Variants in CORO1B observed in about 807,000 individuals in gnomAD.
CORO1B encodes coronin-1B.
CORO1B carries 30 observed loss-of-function variants against 51.1 expected under a neutral mutation model. The ratio of observed to expected loss-of-function variants is 0.59; its 90% CI spans 0.44 to 0.80. The LOEUF (loss-of-function observed/expected upper bound fraction) is 0.80. Ranked by LOEUF, CORO1B falls within the 30% of genes least tolerant of loss-of-function variation. CORO1B has a pLI of 0.00. For missense variants in CORO1B, 648 were observed against 700.4 expected (o/e 0.93, Z 0.84); for synonymous variants, 310 against 289.7 (o/e 1.07, Z -0.71).
In CORO1B at chr11:67,441,944, C is replaced by T. The variant is rs754022069; in HGVS notation, c.324+22G>A. Reference sequence around the variant, plus strand: ...CCTTCGGCCACACCCACGACCCTGGCCCAGCCAGTCCTGTGCCTCACCATG... The same window carrying T: ...CCTTCGGCCACACCCACGACCCTGGTCCAGCCAGTCCTGTGCCTCACCATG... On this transcript the variant is annotated intron_variant, in intron 3 of 10. Coordinates refer to ENST00000341356, the MANE Select transcript of CORO1B (RefSeq NM_020441.3). 6.0e-5 allele frequency: 97 copies of T among 1,612,936 alleles called. No homozygotes were observed. In the South Asian group the frequency reaches 1.0e-3, roughly 17 times the overall value.
At position 67,437,604 on chromosome 11, in the gene CORO1B, C is replaced by G. The variant is rs753678445; in HGVS notation, c.*772G>C. 30 of 1,358,474 alleles carry G rather than the reference C, an allele frequency of 2.2e-5. No individual in the cohort carries two copies. In the East Asian group the frequency reaches 7.5e-4, roughly 34 times the overall value. 84.2% of individuals were successfully genotyped at this position (1,358,474 alleles called of 1,614,324 possible). On this transcript the variant is annotated 3_prime_UTR_variant, in exon 11 of 11. Transcript: ENST00000341356. Reference sequence around the variant, plus strand: ...GCCCCCATCCCAAGAACCCGGGGGGCTCCGAGGCTTACCATTGGTCCGCAG... The same window carrying G: ...GCCCCCATCCCAAGAACCCGGGGGGGTCCGAGGCTTACCATTGGTCCGCAG...
At chr11:67,440,508 T>C (rs1265530263) in intron 6 of CORO1B, 69 bp from the exon 7 acceptor site, 6 of 1,451,798 alleles carry the variant, frequency 4.1e-6, no homozygotes, top group Non-Finnish European at 5.7e-6. Flanking sequence ...AGGACGGGCC[T>C]TAGCTGGCCT....
At position 67,436,888 on chromosome 11, in the gene CORO1B, T is replaced by C. The variant is rs1475373714; in HGVS notation, c.*1488A>G. 6.5e-6 allele frequency: 1 copy of C among 152,808 alleles called. No individual in the cohort carries two copies. The highest frequency in any genetic ancestry group is 1.9e-4 in the East Asian group (1 of 5,178). The allele number at this position is 152,808 out of a possible 1,614,324, so 9.5% of individuals were successfully genotyped here. A position where few individuals can be genotyped will look rare whatever the true frequency, so the allele number is the denominator to read the frequency against. ...TGCTAGGAAACGGGGGCTTTTTGGG[T>C]CAAGCATGTTAGTAGGTGCTCAATA... On this transcript the variant is annotated 3_prime_UTR_variant, in exon 11 of 11. Transcript: ENST00000341356.
rs1455027083 is a variant in CORO1B at position 67,440,988 on chromosome 11, C to CATT, written c.756+136_756+137insAAT. 11 of 1,318,628 alleles carry CATT rather than the reference C, an allele frequency of 8.3e-6. 1 individual carries two copies. In the South Asian group the frequency reaches 1.4e-4, roughly 16 times the overall value. The allele number at this position is 1,318,628 out of a possible 1,614,324, so 81.7% of individuals were successfully genotyped here. ...CAGGGGGCAGGAGAGGAAAGTCTGA[C>CATT]AGAGTCCTAGGCCCTGAGAGCCTCA... On this transcript the variant is annotated intron_variant, in intron 6 of 10. Coordinates refer to ENST00000341356, the MANE Select transcript of CORO1B (RefSeq NM_020441.3).
At chr11:67,443,556 C>A, upstream of CORO1B, 1 of 742,484 alleles carries the variant, frequency 1.3e-6, no homozygotes, top group Non-Finnish European at 1.6e-6. Flanking sequence ...CGAGGTCACG[C>A]GCGGAGGGGC....
Position 67,435,646 on chromosome 11 carries a change from G to A in CORO1B, c.*2730C>T. 1 of 1,485,054 alleles carries A rather than the reference G, an allele frequency of 6.7e-7. No homozygotes were observed. Among genetic ancestry groups the A allele is most frequent in the Non-Finnish European group, 8.9e-7 (1 of 1,122,752 alleles). The allele number at this position is 1,485,054 out of a possible 1,614,324, so 92.0% of individuals were successfully genotyped here. A position where few individuals can be genotyped will look rare whatever the true frequency, so the allele number is the denominator to read the frequency against. ...AGTCTGAGGCATGGTCATGTGGGCT[G>A]GGGGTCCAGTCCAGCCATGGCATCT... On this transcript the variant is annotated 3_prime_UTR_variant, in exon 11 of 11. Transcript: ENST00000341356.
intron 9 of CORO1B, among the ~76,000 whole-genome samples, chr11:67,439,168 A>G (rs1028100743): frequency 6.6e-6 from 1 of 152,230 alleles, no homozygotes; most frequent in African/African-American, 2.4e-5. Flanking sequence ...CTTCCCCTGC[A>G]AGGCACAGGG....
chr11:67,439,909 C>T, intron 8 of CORO1B, 66 bp from the exon 9 acceptor site: 1 of 1,503,494 alleles, frequency 6.7e-7, no homozygotes, highest in Non-Finnish European at 9.0e-7. Flanking sequence ...GCCAGCTCTC[C>T]TGGCATCCTC....
In CORO1B at chr11:67,435,753, GGCCCTGGCCCCCAGCT is replaced by G; in HGVS notation, c.*2607_*2622del. 6.5e-7 allele frequency: 1 copy of G among 1,547,612 alleles called. No individual in the cohort carries two copies. Among genetic ancestry groups the G allele is most frequent in the Admixed American group, 1.9e-5 (1 of 53,960 alleles). On this transcript the variant is annotated 3_prime_UTR_variant, in exon 11 of 11. Transcript: ENST00000341356. The stretch of plus-strand genomic sequence containing the variant: ...GGCCTCTACAGTGCGGTGACATGGA[GGCCCTGGCCCCCAGCT>G]GCCCTGGCGCTGTCATCCCAGGCTG...
intron 9 of CORO1B, 57 bp from the exon 10 acceptor site, chr11:67,439,006 C>CA: frequency 1.3e-6 from 2 of 1,519,812 alleles, no homozygotes; most frequent in South Asian, 2.5e-5. Context: ...AGGGTCCCCT[C>CA]ATCCCTCCCC....
In CORO1B at chr11:67,440,940, G is replaced by C. The variant is rs928307988; in HGVS notation, c.756+185C>G. The C allele has an allele frequency of 3.9e-6, 3 of 765,102 alleles. No homozygotes were observed. In the African/African-American group the frequency reaches 5.2e-5, roughly 13 times the overall value. 47.4% of individuals were successfully genotyped at this position (765,102 alleles called of 1,614,324 possible). ...ACAGAGGCAGTGGGAGGCCATGGGGGAGTGGTGGGGCAGTCGGGCGAGCAG... is the reference window on the plus strand; with the variant it reads ...ACAGAGGCAGTGGGAGGCCATGGGGCAGTGGTGGGGCAGTCGGGCGAGCAG... On this transcript the variant is annotated intron_variant, in intron 6 of 10. Coordinates refer to ENST00000341356, the MANE Select transcript of CORO1B (RefSeq NM_020441.3).
intron 2 of CORO1B, 146 bp from the exon 3 acceptor site, chr11:67,442,234 T>A: frequency 7.1e-7 from 1 of 1,415,770 alleles, no homozygotes. Context: ...GCAGGAAATG[T>A]TTGCTGCCTC....
intron 6 of CORO1B, 82 bp from the exon 7 acceptor site, chr11:67,440,521 C>G: frequency 3.9e-6 from 5 of 1,278,168 alleles, no homozygotes; most frequent in Non-Finnish European, 5.6e-6. Context: ...GCTGGCCTCA[C>G]TAAGGCCAGC....
intron 6 of CORO1B, chr11:67,440,838 T>G: frequency 1.5e-6 from 1 of 660,442 alleles, no homozygotes; most frequent in Admixed American, 2.1e-5. Context: ...CGGGGAGCCC[T>G]GTGCAGGCAG....
intron 2 of CORO1B, 23 bp downstream of exon 2, chr11:67,442,405 C>A: frequency 1.2e-6 from 2 of 1,609,928 alleles, no homozygotes; most frequent in East Asian, 2.2e-5. Context: ...GCCTCCTCTT[C>A]CCCCAACCCT....
At chr11:67,442,259 T>C (rs1017314260) in intron 2 of CORO1B, among the ~76,000 whole-genome samples, 169 bp downstream of exon 2, 19 of 152,228 alleles carry the variant, frequency 1.2e-4, no homozygotes, top group African/African-American at 4.6e-4. Context: ...CCTGCCTCTA[T>C]GGCAACAGGC....
At position 67,441,770 on chromosome 11, in the gene CORO1B, G is replaced by A. The variant is rs1268963431; in HGVS notation, c.417C>T (p.Ala139=). 2 of 1,612,794 alleles carry A rather than the reference G, an allele frequency of 1.2e-6. No individual in the cohort carries two copies. The highest frequency in any genetic ancestry group is 1.6e-4 in the Middle Eastern group (1 of 6,062). The change falls in exon 4 of 11, where the codon GCC becomes GCT. Residue 139 remains alanine (A), a synonymous_variant. Coordinates refer to ENST00000341356, the MANE Select transcript of CORO1B (RefSeq NM_020441.3). ...GCACGTTTCGGGCCGTGGGGTGCCA[G>A]GCGATGATGCCCACTCGCTTGGTGT... The part of the protein sequence containing the change: ...EGHTKRVGII[A]WHPTARNVLL...
chr11:67,439,095 G>T, intron 9 of CORO1B, 146 bp from the exon 10 acceptor site: 1 of 939,040 alleles, frequency 1.1e-6, no homozygotes, highest in East Asian at 2.7e-5. Context: ...CTTCCTTTCT[G>T]GACACCATCA....
chr11:67,440,948 G>C (rs747894416), intron 6 of CORO1B, 177 bp downstream of exon 6: 34 of 826,278 alleles, frequency 4.1e-5, no homozygotes, highest in Non-Finnish European at 6.0e-5. Flanking sequence ...GGGAGTGGTG[G>C]GGCAGTCGGG....
Sources: gnomAD v4.1 joint callset for allele counts (sites outside exome capture counted in the v4.1 genomes callset) on GRCh38, gnomAD v4.1.1 for gene constraint, MANE v1.5 for transcripts, NCBI Gene and HGNC (gene_info 2026-07-23, HGNC 2026-07-21) for gene names.